The following CDC25A variants were observed in gnomAD, a reference collection of about 807,000 sequenced individuals.
CDC25A encodes cell division cycle 25A.
CDC25A carries 17 observed loss-of-function variants against 64.6 expected under a neutral mutation model. That is an observed-to-expected ratio of 0.26 (90% confidence interval 0.18 to 0.39). CDC25A has a LOEUF of 0.39. CDC25A is among the 10% of genes least tolerant of loss of function. The pLI is 1.00. For missense variants in CDC25A, 473 were observed against 654.8 expected (o/e 0.72, Z 3.03); for synonymous variants, 229 against 238.6 (o/e 0.96, Z 0.37).
At position 48,188,048 on chromosome 3, in the gene CDC25A, C is replaced by T; in HGVS notation, c.-101G>A. On this transcript the variant is annotated 5_prime_UTR_variant, in exon 1 of 15. Transcript: ENST00000302506. Reference sequence around the variant, plus strand: ...CGGCCTCGGCCGCGCGCCACCGGCGCCCGCGGGTCAAACACAAACACGACT... The same window carrying T: ...CGGCCTCGGCCGCGCGCCACCGGCGTCCGCGGGTCAAACACAAACACGACT... 1 of 1,034,056 alleles carries T rather than the reference C, an allele frequency of 9.7e-7. No homozygotes were observed. The highest frequency in any genetic ancestry group is 3.5e-5 in the East Asian group (1 of 28,458). 64.1% of individuals were successfully genotyped at this position (1,034,056 alleles called of 1,614,324 possible). A position where few individuals can be genotyped will look rare whatever the true frequency, so the allele number is the denominator to read the frequency against.
At chr3:48,180,643 C>A in intron 6 of CDC25A, 78 bp downstream of exon 6, 1 of 1,515,764 alleles carries the variant, frequency 6.6e-7, no homozygotes. Flanking sequence ...ACTGTAGTGC[C>A]TTCAATTCTG....
chr3:48,173,027 AG>A (rs1254237903), intron 9 of CDC25A, among the ~76,000 whole-genome samples: 1 of 151,984 alleles, frequency 6.6e-6, no homozygotes, highest in Non-Finnish European at 1.5e-5. Flanking sequence ...AGACCATCCT[AG>A]CTAACACTGT....
chr3:48,165,680 T>C lies in CDC25A; in HGVS notation c.1147A>G (p.Ile383Val), dbSNP rs1303046794. 1 of 1,614,126 alleles carries C rather than the reference T, an allele frequency of 6.2e-7. No individual in the cohort carries two copies. Among genetic ancestry groups the C allele is most frequent in the South Asian group, 1.1e-5 (1 of 91,084 alleles). ...TATTCATATGGGTATCGACAGTCGATGATAACAAACTCTTTAATGAGGTTG... is the reference window on the plus strand; with the variant it reads ...TATTCATATGGGTATCGACAGTCGACGATAACAAACTCTTTAATGAGGTTG... ...FANLIKEFVI[I>V]DCRYPYEYEG... Residue 383 changes from isoleucine (I) to valine (V), a missense_variant, in exon 12 of 15, where the codon ATC (isoleucine) becomes GTC (valine). Physicochemically the swap from Ile to Val is conservative, Grantham distance 29. Around this residue, in one of 2 missense-constraint regions of CDC25A, gnomAD observed 97 missense variants for 223.0 expected, o/e 0.43. Coordinates refer to ENST00000302506, the MANE Select transcript of CDC25A (RefSeq NM_001789.3).
At chr3:48,164,825 AG>A (rs1342072774) in intron 12 of CDC25A, among the ~76,000 whole-genome samples, 1 of 152,004 alleles carries the variant, frequency 6.6e-6, no homozygotes, top group African/African-American at 2.4e-5. Flanking sequence ...TTAAAATGGC[AG>A]GCCAGGCGCC....
chr3:48,183,114 G>A, intron 4 of CDC25A, 84 bp from the exon 5 acceptor site: 1 of 859,376 alleles, frequency 1.2e-6, no homozygotes, highest in Non-Finnish European at 1.9e-6. Flanking sequence ...AAAAAAAGGG[G>A]GGTTGAATAG....
intron 7 of CDC25A, 70 bp downstream of exon 7, chr3:48,177,784 C>A: frequency 6.3e-7 from 1 of 1,578,958 alleles, no homozygotes; most frequent in Non-Finnish European, 8.7e-7. Flanking sequence ...TTCTTTTTCA[C>A]ATCACATGCC....
chr3:48,172,498 T>C (rs1222052754), intron 9 of CDC25A, among the ~76,000 whole-genome samples: 1 of 152,206 alleles, frequency 6.6e-6, no homozygotes, highest in Non-Finnish European at 1.5e-5. Context: ...GTGTTTTGTG[T>C]GTCTAGCCAC....
intron 13 of CDC25A, among the ~76,000 whole-genome samples, chr3:48,162,414 A>G (rs1158893544): frequency 6.6e-6 from 1 of 151,806 alleles, no homozygotes; most frequent in Non-Finnish European, 1.5e-5. Flanking sequence ...TATTTTTTGT[A>G]GAGGTGTGGT....
chr3:48,178,919 TTA>T (rs1267371019), intron 6 of CDC25A, among the ~76,000 whole-genome samples: 5 of 152,174 alleles, frequency 3.3e-5, no homozygotes, highest in Non-Finnish European at 7.3e-5. Context: ...AAAAAAAAGT[TTA>T]GAGTTATTTT....
At chr3:48,171,306 G>A (rs554738256) in intron 9 of CDC25A, among the ~76,000 whole-genome samples, 6 of 152,012 alleles carry the variant, frequency 3.9e-5, no homozygotes, top group East Asian at 3.9e-4. Flanking sequence ...CTGGGGAGGC[G>A]GAGGTTGCCG....
chr3:48,165,931 C>T (rs2031994748), intron 10 of CDC25A, 38 bp from the exon 11 acceptor site: 1 of 1,335,718 alleles, frequency 7.5e-7, no homozygotes, highest in Non-Finnish European at 1.1e-6. Context: ...AATCTGAAAG[C>T]CTATATATTA....
Position 48,183,835 on chromosome 3 carries a change from G to A in CDC25A, c.292C>T (p.Leu98Phe). 6.4e-7 allele frequency: 1 copy of A among 1,571,906 alleles called. No homozygotes were observed. ...TGTATTCTTCTCATAGGATTTTCAA[G>A]GCTGTAATGAGATCAGAAGGTAAAT... The part of the protein sequence containing the change: ...SPGPLDSKEN[L>F]ENPMRRIHSL... Residue 98 changes from leucine to phenylalanine, a missense_variant and splice_region_variant, in exon 4 of 15, where the codon CTT (leucine) becomes TTT (phenylalanine). Leu to Phe is a conservative substitution (Grantham distance 22, BLOSUM62 0). Coordinates refer to ENST00000302506, the MANE Select transcript of CDC25A (RefSeq NM_001789.3).
rs1214381261 is a variant in CDC25A at position 48,186,556 on chromosome 3, C to T, written c.247+147G>A. The T allele has an allele frequency of 2.7e-5, 14 of 522,094 alleles. No homozygotes were observed. The Admixed American group carries it at 3.2e-4, about 12-fold the overall frequency. The allele number at this position is 522,094 out of a possible 1,614,324, so 32.3% of individuals were successfully genotyped here. On this transcript the variant is annotated intron_variant, in intron 2 of 14. Transcript: ENST00000302506. ...TGCACTCCAGCCTGGGCGACAAGAG[C>T]GAAACTCTGTCTCAAAAAAAAAAAA...
intron 7 of CDC25A, 95 bp from the exon 8 acceptor site, chr3:48,177,537 T>C (rs2032508293): frequency 1.2e-5 from 11 of 884,362 alleles, no homozygotes; most frequent in Non-Finnish European, 1.7e-5. Context: ...CAATACCAGA[T>C]AGGCCTGGAT....
chr3:48,165,403 G>C (rs1014659308), intron 12 of CDC25A, among the ~76,000 whole-genome samples: 2 of 127,146 alleles, frequency 1.6e-5, no homozygotes, highest in Non-Finnish European at 3.3e-5. Context: ...GATAATGATG[G>C]TGTGAGGGAC....
At chr3:48,168,360 C>CCAAACACACACA (rs1553768359) in intron 9 of CDC25A, among the ~76,000 whole-genome samples, 25 of 106,538 alleles carry the variant, frequency 2.3e-4, no homozygotes, top group African/African-American at 9.2e-4. Flanking sequence ...AAGACCCTGT[C>CCAAACACACACA]CACACACACA....
chr3:48,181,947 T>C (rs2032686742), intron 5 of CDC25A, among the ~76,000 whole-genome samples: 1 of 152,214 alleles, frequency 6.6e-6, no homozygotes, highest in African/African-American at 2.4e-5. Flanking sequence ...GGTTAAGGAA[T>C]GTGCCCAAAA....
At chr3:48,178,720 C>A (rs1297949540) in intron 6 of CDC25A, among the ~76,000 whole-genome samples, 1 of 152,112 alleles carries the variant, frequency 6.6e-6, no homozygotes, top group African/African-American at 2.4e-5. Context: ...AGGAGAAAAC[C>A]ATTCCTGGAA....
At position 48,169,805 on chromosome 3, in the gene CDC25A, C is replaced by T. The variant is rs548748206; in HGVS notation, c.931-1861G>A. On this transcript the variant is annotated intron_variant, in intron 9 of 14. Transcript: ENST00000302506. ...AGTGGATCACTTGATGTCAGGGGTT[C>T]GAGACCAGCCTTGCCAACATGGTGA... Among the ~76,000 whole-genome samples the T allele has an allele frequency of 1.8e-3, 269 of 151,910 alleles. 2 individuals are homozygous for T. The highest frequency in any genetic ancestry group is 2.7e-3 in the Non-Finnish European group (182 of 67,964).
Sources: gnomAD v4.1 joint callset for allele counts (sites outside exome capture counted in the v4.1 genomes callset) on GRCh38, gnomAD v4.1.1 for gene constraint, gnomAD v4.1.1 regional missense constraint, MANE v1.5 for transcripts, NCBI Gene and HGNC (gene_info 2026-07-23, HGNC 2026-07-21) for gene names.